The following PDSS2 variants were observed in gnomAD, a reference collection of about 807,000 sequenced individuals.
PDSS2 encodes the protein decaprenyl diphosphate synthase subunit 2, also known as all trans-polyprenyl-diphosphate synthase PDSS2.
In PDSS2, 31 loss-of-function variants were observed where a neutral mutation model predicts 44.5. The ratio of observed to expected loss-of-function variants is 0.70; its 90% confidence interval spans 0.52 to 0.94. The LOEUF (loss-of-function observed/expected upper bound fraction) is 0.94, where lower values mean the gene tolerates loss of function less well. PDSS2 is among the 40% of genes least tolerant of loss of function. The pLI, the probability that PDSS2 is intolerant of heterozygous loss-of-function variation, is 0.00. For synonymous variants in PDSS2, 157 were observed against 180.3 expected (o/e 0.87, Z 1.03); for missense variants, 452 against 482.2 (o/e 0.94, Z 0.59).
rs570894326 is a variant in PDSS2, at chr6:107,268,902, CT to C, written c.630+5126del. On this transcript the variant is annotated intron_variant, in intron 3 of 7. Transcript: ENST00000369037. ...GCCCAAATATTTTTAGAGGCACTCT[CT>C]TTTTGCTTCCATCAGAGTATCTTAC... is the stretch of plus-strand genomic sequence containing the variant. Among the ~76,000 whole-genome samples, 309 of 151,946 alleles carry C rather than the reference CT, an allele frequency of 2.0e-3. 1 individual carries two copies. The highest frequency in any genetic ancestry group is 7.1e-3 in the African/African-American group (293 of 41,472).
At chr6:107,369,986 G>A (rs190639044) in intron 1 of PDSS2, among the ~76,000 whole-genome samples, 6 of 151,556 alleles carry the variant, frequency 4.0e-5, no homozygotes, top group African/African-American at 1.5e-4. Context: ...GACAGAGTAA[G>A]ATGTGTTTCG....
Position 107,274,231 on chromosome 6 carries a change from A to T in PDSS2, c.432-4T>A, listed in dbSNP as rs932086483. 6.2e-7 allele frequency: 1 copy of T among 1,605,394 alleles called. No individual in the cohort carries two copies. On this transcript the variant is annotated splice_region_variant and splice_polypyrimidine_tract_variant and intron_variant, in intron 2 of 7. Coordinates refer to ENST00000369037, the MANE Select transcript of PDSS2 (RefSeq NM_020381.4). Reference sequence around the variant, plus strand: ...GATCTCTGCCAAACTTCTTTGACTAAAACATAAAGGTAAGATTTGTTAGAA... The same window carrying T: ...GATCTCTGCCAAACTTCTTTGACTATAACATAAAGGTAAGATTTGTTAGAA...
chr6:107,245,418 C>CAAAAAAAAAAAAA (rs35614951), intron 4 of PDSS2, 130 bp downstream of exon 4: 7 of 115,912 alleles, frequency 6.0e-5, no homozygotes, highest in Admixed American at 5.4e-4. Flanking sequence ...AAACACTAAT[C>CAAAAAAAAAAAAA]AAAAAAAAAA....
intron 1 of PDSS2, among the ~76,000 whole-genome samples, chr6:107,383,298 C>CAAAA (rs35910650): frequency 1.4e-3 from 39 of 28,440 alleles, no homozygotes; most frequent in East Asian, 7.4e-3. Context: ...GACTCCATCT[C>CAAAA]AAAAAAAAAA....
chr6:107,451,273 T>C (rs1471659323), intron 1 of PDSS2, among the ~76,000 whole-genome samples: 1 of 152,228 alleles, frequency 6.6e-6, no homozygotes, highest in African/African-American at 2.4e-5. Context: ...TTTTAGCCAT[T>C]CTAATTGGTA....
intron 1 of PDSS2, among the ~76,000 whole-genome samples, chr6:107,364,384 G>A (rs1422314358): frequency 6.6e-6 from 1 of 151,466 alleles, no homozygotes; most frequent in Non-Finnish European, 1.5e-5. Flanking sequence ...CCCCAGCCCT[G>A]CCCCGCGGGA....
chr6:107,273,948 G>T, intron 3 of PDSS2, 81 bp downstream of exon 3: 2 of 1,038,206 alleles, frequency 1.9e-6, no homozygotes, highest in Non-Finnish European at 3.0e-6. Context: ...GGGCAGCCGG[G>T]CACACAGACC....
chr6:107,261,412 G>A (rs1281280234), intron 3 of PDSS2, among the ~76,000 whole-genome samples: 3 of 152,102 alleles, frequency 2.0e-5, no homozygotes, highest in East Asian at 1.9e-4. Context: ...ACCATGTGAC[G>A]TCCCTGCTCC....
chr6:107,179,361 G>C (rs1358239085), intron 7 of PDSS2, among the ~76,000 whole-genome samples: 1 of 151,642 alleles, frequency 6.6e-6, no homozygotes, highest in African/African-American at 2.4e-5. Flanking sequence ...GCTCACTGCT[G>C]CCTCTGCCTC....
At chr6:107,357,931 C>T (rs1008129621) in intron 1 of PDSS2, among the ~76,000 whole-genome samples, 5 of 152,112 alleles carry the variant, frequency 3.3e-5, no homozygotes, top group Non-Finnish European at 5.9e-5. Context: ...CCAAGGTAAA[C>T]ATAGCAATAT....
intron 2 of PDSS2, among the ~76,000 whole-genome samples, chr6:107,326,524 C>T (rs1170879667): frequency 6.6e-6 from 1 of 152,044 alleles, no homozygotes; most frequent in African/African-American, 2.4e-5. Context: ...GCCAACTCAC[C>T]TGCCACCCAG....
At chr6:107,391,243 A>T (rs1331587694) in intron 1 of PDSS2, among the ~76,000 whole-genome samples, 1 of 152,124 alleles carries the variant, frequency 6.6e-6, no homozygotes, top group East Asian at 1.9e-4. Context: ...ACAACACTGT[A>T]TCTACAGCTC....
intron 2 of PDSS2, among the ~76,000 whole-genome samples, chr6:107,309,278 G>T (rs1776958426): frequency 6.6e-6 from 1 of 152,076 alleles, no homozygotes; most frequent in Non-Finnish European, 1.5e-5. Flanking sequence ...CTAAAACAGA[G>T]GCCTACATAT....
chr6:107,163,885 G>T (rs932297418), intron 7 of PDSS2, among the ~76,000 whole-genome samples: 22 of 152,294 alleles, frequency 1.4e-4, no homozygotes, highest in African/African-American at 5.3e-4. Context: ...TCACAGGTGT[G>T]AGCCATCACG....
At chr6:107,215,534 A>C (rs1023295752) in intron 4 of PDSS2, among the ~76,000 whole-genome samples, 19 of 152,226 alleles carry the variant, frequency 1.2e-4, no homozygotes, top group Admixed American at 9.8e-4. Flanking sequence ...GATGCACACA[A>C]CACCACTGAT....
At chr6:107,325,682 T>C (rs1327833304) in intron 2 of PDSS2, among the ~76,000 whole-genome samples, 2 of 152,216 alleles carry the variant, frequency 1.3e-5, no homozygotes, top group Non-Finnish European at 1.5e-5. Context: ...AAAGCCCTCA[T>C]TCTAATTACA....
intron 1 of PDSS2, among the ~76,000 whole-genome samples, chr6:107,350,661 T>C (rs1056054849): frequency 1.3e-5 from 2 of 151,956 alleles, no homozygotes; most frequent in African/African-American, 4.8e-5. Context: ...AATGTGAAAA[T>C]TAGCTGGGCA....
At chr6:107,198,835 A>C (rs1258840317) in intron 6 of PDSS2, among the ~76,000 whole-genome samples, 1 of 148,882 alleles carries the variant, frequency 6.7e-6, no homozygotes, top group Non-Finnish European at 1.5e-5. Flanking sequence ...AACAACAACA[A>C]CACAGCAAAA....
At chr6:107,167,746 A>T (rs1331726918) in intron 7 of PDSS2, among the ~76,000 whole-genome samples, 1 of 152,186 alleles carries the variant, frequency 6.6e-6, no homozygotes, top group African/African-American at 2.4e-5. Flanking sequence ...CCCAGTAGTC[A>T]TTCAGGAGCA....
Sources: allele counts gnomAD v4.1 joint callset (sites outside exome capture counted in the v4.1 genomes callset), GRCh38; gene constraint gnomAD v4.1.1; transcripts MANE v1.5; gene names NCBI Gene and HGNC (gene_info 2026-07-23, HGNC 2026-07-21).